The following LRP1B variants were observed in gnomAD, a reference collection of about 807,000 sequenced individuals.
LRP1B encodes the protein LDL receptor related protein 1B.
LRP1B carries 217 observed loss-of-function variants against 556.6 expected under a neutral mutation model. The ratio of observed to expected loss-of-function variants is 0.39; its 90% confidence interval spans 0.35 to 0.44. The LOEUF (loss-of-function observed/expected upper bound fraction) is 0.44, where lower values mean the gene tolerates loss of function less well. LRP1B is among the 20% of genes least tolerant of loss of function. LRP1B has a pLI of 1.00. For synonymous variants in LRP1B, 2,047 were observed against 1,865.8 expected, an observed-to-expected ratio of 1.10 and a Z score of -2.50; for missense variants, 5,053 against 5,620.8, an observed-to-expected ratio of 0.90 and a Z score of 3.23.
chr2:140,507,680 G>T (rs1204614394), intron 52 of LRP1B, among the ~76,000 whole-genome samples: 2 of 152,062 alleles, frequency 1.3e-5, no homozygotes, highest in Non-Finnish European at 2.9e-5. Context: ...AATCATAAGA[G>T]GTTTGCAAGA....
Position 140,238,204 on chromosome 2 carries a change from T to C in LRP1B, c.13508A>G (p.Asp4503Gly), listed in dbSNP as rs1165687680. 5 of 1,605,694 alleles carry C rather than the reference T, an allele frequency of 3.1e-6. No individual in the cohort carries two copies. The Admixed American group carries it at 8.4e-5, about 27-fold the overall frequency. Residue 4503 changes from aspartate (D) to glycine (G), a missense_variant, in exon 89 of 91, where the codon GAT (aspartate) becomes GGT (glycine). Asp to Gly is a moderately conservative substitution (Grantham distance 94). Transcript: ENST00000389484. ...ATCTAAAAGACCTCCATCGTTGTGA[T>C]CATGATCTACCTCATACATGTTATA... Reference protein sequence around the residue: ...PSYNMYEVDHDHNDGGLLDPG... With the variant: ...PSYNMYEVDHGHNDGGLLDPG...
intron 62 of LRP1B, among the ~76,000 whole-genome samples, chr2:140,451,614 G>A (rs548106434): frequency 7.2e-5 from 11 of 152,162 alleles, no homozygotes; most frequent in African/African-American, 2.6e-4. Flanking sequence ...TAGCCATGAT[G>A]AGTATGGGCC....
At chr2:141,807,374 GAATAA>G (rs1285165381) in intron 2 of LRP1B, among the ~76,000 whole-genome samples, 2 of 151,968 alleles carry the variant, frequency 1.3e-5, no homozygotes, top group Non-Finnish European at 2.9e-5. Context: ...CAGATTAAAT[GAATAA>G]AACAGGTACA....
chr2:141,822,637 C>A (rs1418435696), intron 1 of LRP1B, among the ~76,000 whole-genome samples: 1 of 152,024 alleles, frequency 6.6e-6, no homozygotes, highest in African/African-American at 2.4e-5. Flanking sequence ...TGTGTTTTAA[C>A]CATTAAAGGC....
intron 87 of LRP1B, among the ~76,000 whole-genome samples, chr2:140,246,135 C>T (rs1371324373): frequency 1.3e-5 from 2 of 151,222 alleles, no homozygotes; most frequent in African/African-American, 4.8e-5. Flanking sequence ...TTCTAGGGTA[C>T]AAAAATGTTA....
At chr2:141,775,842 C>CTT (rs770939865) in intron 2 of LRP1B, among the ~76,000 whole-genome samples, 45 of 134,518 alleles carry the variant, frequency 3.3e-4, no homozygotes, top group East Asian at 4.2e-4. Flanking sequence ...TCAGGTTTTC[C>CTT]TTTTTTTTTT....
intron 35 of LRP1B, among the ~76,000 whole-genome samples, chr2:140,740,435 C>T (rs926695583): frequency 6.6e-6 from 1 of 152,084 alleles, no homozygotes; most frequent in Non-Finnish European, 1.5e-5. Context: ...ACATTGTTCT[C>T]ACTGGTATGT....
At chr2:141,071,905 A>G (rs1699655552) in intron 7 of LRP1B, among the ~76,000 whole-genome samples, 1 of 152,200 alleles carries the variant, frequency 6.6e-6, no homozygotes, top group Non-Finnish European at 1.5e-5. Flanking sequence ...GGAAGAATCA[A>G]TATTGTGAAA....
intron 17 of LRP1B, among the ~76,000 whole-genome samples, chr2:140,984,024 T>G (rs1440340654): frequency 6.6e-6 from 1 of 151,838 alleles, no homozygotes; most frequent in African/African-American, 2.4e-5. Flanking sequence ...TAGATAATTG[T>G]TATAAAATTA....
intron 21 of LRP1B, among the ~76,000 whole-genome samples, chr2:140,910,670 T>C (rs1345549498): frequency 5.3e-5 from 8 of 151,836 alleles, no homozygotes; most frequent in Non-Finnish European, 7.4e-5. Context: ...CATAAAGAAA[T>C]TGTAATGGTT....
chr2:141,038,111 G>A (rs185673864), intron 11 of LRP1B, among the ~76,000 whole-genome samples: 1 of 148,172 alleles, frequency 6.7e-6, no homozygotes. Flanking sequence ...TAGATATTCA[G>A]CCCAGAAAAG....
At chr2:141,655,157 G>T (rs1164885627) in intron 2 of LRP1B, among the ~76,000 whole-genome samples, 1 of 152,070 alleles carries the variant, frequency 6.6e-6, no homozygotes, top group African/African-American at 2.4e-5. Flanking sequence ...GAGGAAAGTT[G>T]ACTTATTTAG....
intron 41 of LRP1B, among the ~76,000 whole-genome samples, chr2:140,660,994 G>C (rs1450082592): frequency 6.7e-6 from 1 of 150,204 alleles, no homozygotes; most frequent in African/African-American, 2.5e-5. Flanking sequence ...TTCTGCTTTT[G>C]TTAACTCCTA....
intron 37 of LRP1B, among the ~76,000 whole-genome samples, chr2:140,702,776 T>G (rs1235524468): frequency 2.0e-5 from 3 of 152,230 alleles, no homozygotes; most frequent in African/African-American, 7.2e-5. Flanking sequence ...CTCAACATCC[T>G]ACCAAAATAC....
intron 12 of LRP1B, 144 bp from the exon 13 acceptor site, chr2:141,016,059 G>T (rs3795900): frequency 1.8e-5 from 12 of 654,346 alleles, no homozygotes; most frequent in South Asian, 1.1e-4. Flanking sequence ...TGTCAAAGAG[G>T]GGGGAGCTGT....
chr2:140,695,290 A>G (rs192681396), intron 41 of LRP1B, among the ~76,000 whole-genome samples: 76 of 152,024 alleles, frequency 5.0e-4, no homozygotes, highest in African/African-American at 1.7e-3. Context: ...AGCATATGAG[A>G]GCTTGTAGAG....
chr2:141,171,037 C>G (rs1261636592), intron 7 of LRP1B, among the ~76,000 whole-genome samples: 2 of 151,884 alleles, frequency 1.3e-5, no homozygotes, highest in African/African-American at 4.8e-5. Context: ...TTTTTTATGG[C>G]AGTTTTATGT....
At chr2:140,911,316 T>C (rs555646467) in intron 21 of LRP1B, among the ~76,000 whole-genome samples, 36 of 151,958 alleles carry the variant, frequency 2.4e-4, no homozygotes, top group Admixed American at 1.2e-3. Context: ...ATAGTTCAAA[T>C]TGGTTGCCTC....
chr2:140,788,815 G>C (rs1269278121), intron 32 of LRP1B, among the ~76,000 whole-genome samples: 2 of 152,162 alleles, frequency 1.3e-5, no homozygotes, highest in African/African-American at 4.8e-5. Context: ...TTTGGAGATT[G>C]AGTCTTAAAA....
Sources: gnomAD v4.1 joint callset for allele counts (sites outside exome capture counted in the v4.1 genomes callset) on GRCh38, gnomAD v4.1.1 for gene constraint, MANE v1.5 for transcripts, NCBI Gene and HGNC (gene_info 2026-07-23, HGNC 2026-07-21) for gene names.